TEP1: variants seen among roughly 807,000 people sequenced by gnomAD.
TEP1 encodes telomerase protein component 1.
In TEP1, 241 loss-of-function variants were observed where a neutral mutation model predicts 306.3. The observed-to-expected ratio is 0.79, with a 90% confidence interval of 0.71 to 0.88. The LOEUF (loss-of-function observed/expected upper bound fraction) is 0.88. Among genes scored for constraint, TEP1 ranks in the 40% least tolerant of loss-of-function variants. The pLI is 0.00. For missense variants in TEP1, 3,051 were observed against 3,276.1 expected, an observed-to-expected ratio of 0.93 and a Z score of 1.68; for synonymous variants, 1,289 against 1,305.5, an observed-to-expected ratio of 0.99 and a Z score of 0.27.
At position 20,368,242 on chromosome 14, in the gene TEP1, T is replaced by C. The variant is rs1220706070; in HGVS notation, c.*195A>G. 2 of 526,400 alleles carry C rather than the reference T, an allele frequency of 3.8e-6. No individual in the cohort carries two copies. The highest frequency in any genetic ancestry group is 6.5e-6 in the Non-Finnish European group (2 of 307,298). The allele number at this position is 526,400 out of a possible 1,614,324, so 32.6% of individuals were successfully genotyped here. On this transcript the variant is annotated 3_prime_UTR_variant, in exon 55 of 55. Transcript: ENST00000262715. ...GAAGAGACACACATTAGAATGTACA[T>C]ATACATACACATAGAATATCCTCCT...
At chr14:20,390,826 G>C in intron 14 of TEP1, 68 bp from the exon 15 acceptor site, 3 of 1,612,240 alleles carry the variant, frequency 1.9e-6, no homozygotes, top group Non-Finnish European at 2.5e-6. Flanking sequence ...CTTGCAGTCT[G>C]CTTGGGAAAT....
Position 20,408,396 on chromosome 14 carries a change from A to T in TEP1, c.44T>A (p.Leu15His). 3.1e-6 allele frequency: 5 copies of T among 1,614,032 alleles called. No individual in the cohort carries two copies. Among genetic ancestry groups the T allele is most frequent in the Non-Finnish European group, 3.4e-6 (4 of 1,180,030 alleles). The change falls in exon 2 of 55, where the codon CTC (leucine) becomes CAC (histidine). Residue 15 changes from leucine (L) to histidine (H), a missense_variant. By Grantham distance (99) the Leu-to-His change is moderately conservative. This residue lies in a region of TEP1 where 1,507 missense variants were observed against 1,550.5 expected (regional missense o/e 0.97). Coordinates refer to ENST00000262715, the MANE Select transcript of TEP1 (RefSeq NM_007110.5). Reference protein sequence around the residue: ...HGHVSAHPDILSLENRCLAML... With the variant: ...HGHVSAHPDIHSLENRCLAML... ...AGCCAGGCACCGGTTCTCCAAGGAG[A>T]GGATGTCTGGATGGGCAGACACATG... is the stretch of plus-strand genomic sequence containing the variant.
chr14:20,377,744 A>C lies in TEP1; in HGVS notation c.5731T>G (p.Trp1911Gly), dbSNP rs1425346595. The change falls in exon 40 of 55, where the codon TGG (tryptophan) becomes GGG (glycine). Residue 1911 changes from tryptophan to glycine, a missense_variant. Physicochemically the swap from Trp to Gly is radical, Grantham distance 184. Coordinates refer to ENST00000262715, the MANE Select transcript of TEP1 (RefSeq NM_007110.5). ...CGGGGCCGACCCAGAGACCCTGACC[A>C]CACCTGAACCTGGGAACCAAGAAAA... is the stretch of plus-strand genomic sequence containing the variant. ...TAGEDGKVQV[W>G]SGSLGRPRGH... The C allele has an allele frequency of 1.9e-6, 3 of 1,613,340 alleles. No homozygotes were observed. The African/African-American group carries it at 4.0e-5, about 22-fold the overall frequency.
In TEP1 at chr14:20,371,562, G is replaced by A; in HGVS notation, c.7147C>T (p.His2383Tyr). 1 of 1,607,066 alleles carries A rather than the reference G, an allele frequency of 6.2e-7. No individual in the cohort carries two copies. The highest frequency in any genetic ancestry group is 8.5e-7 in the Non-Finnish European group (1 of 1,178,602). The change falls in exon 50 of 55, where the codon CAC becomes TAC. Residue 2383 changes from histidine to tyrosine, a missense_variant. Physicochemically the swap from His to Tyr is moderately conservative, Grantham distance 83 (BLOSUM62 2). This residue lies in a region of TEP1 where 1,540 missense variants were observed against 1,705.9 expected (regional missense o/e 0.90). Coordinates refer to ENST00000262715, the MANE Select transcript of TEP1 (RefSeq NM_007110.5). ...LTSLDWAPDG[H>Y]FLILAKADLK... ...TCTGCTTTGGCCAAGATGAGAAAGT[G>A]ACCATCAGGAGCCCAATCCAGACTT...
At chr14:20,400,010 G>T (rs1305041578) in intron 9 of TEP1, among the ~76,000 whole-genome samples, 1 of 151,848 alleles carries the variant, frequency 6.6e-6, no homozygotes, top group Non-Finnish European at 1.5e-5. Context: ...TACAAAATTA[G>T]CTGGGCATGG....
Position 20,405,594 on chromosome 14 carries a change from T to G in TEP1, c.736-9A>C, listed in dbSNP as rs1377681636. On this transcript the variant is annotated splice_polypyrimidine_tract_variant and intron_variant, in intron 3 of 54. Coordinates refer to ENST00000262715, the MANE Select transcript of TEP1 (RefSeq NM_007110.5). ...AAGCTCAGTAGAGCCATCTGGGAAT[T>G]GAGAAAGAGGGAAGAAATGAGAAGA... 8 of 1,612,628 alleles carry G rather than the reference T, an allele frequency of 5.0e-6. No individual in the cohort carries two copies. The highest frequency in any genetic ancestry group is 2.2e-5 in the East Asian group (1 of 44,864).
At chr14:20,372,588 A>T (rs1884912972) in intron 49 of TEP1, 145 bp downstream of exon 49, 2 of 1,303,890 alleles carry the variant, frequency 1.5e-6, no homozygotes, top group Admixed American at 3.7e-5. Context: ...TTACATTGCC[A>T]TGGACAGAAG....
chr14:20,369,202 G>A, intron 53 of TEP1, 142 bp downstream of exon 53: 1 of 829,836 alleles, frequency 1.2e-6, no homozygotes. Flanking sequence ...TAGAGATGGG[G>A]TTTCACCGTG....
chr14:20,403,290 T>G, intron 7 of TEP1, 87 bp downstream of exon 7: 1 of 1,525,196 alleles, frequency 6.6e-7, no homozygotes, highest in East Asian at 2.3e-5. Context: ...AAGAAAGTAT[T>G]TTCAACCCTA....
intron 54 of TEP1, 45 bp downstream of exon 54, chr14:20,368,753 T>C (rs1884624853): frequency 7.0e-7 from 1 of 1,424,026 alleles, no homozygotes; most frequent in African/African-American, 1.7e-5. Flanking sequence ...GGGATAGGTG[T>C]GCAGGCGCAC....
rs1183125458 is a variant in TEP1, at chr14:20,401,122, G to C, written c.1411C>G (p.Leu471Val). ...LGYRYPSNLQ[L>V]FSRSRLPGPW... is the part of the protein sequence containing the mutation. ...CCAGGAAGGCGACTTCGAGAAAAGA[G>C]CTGTAGGTTGGAGGGGTATCTGAGG... is the stretch of plus-strand genomic sequence containing the variant. Residue 471 changes from leucine to valine, a missense_variant, in exon 9 of 55, where the codon CTC (leucine) becomes GTC (valine). This residue lies in a region of TEP1 where 1,507 missense variants were observed against 1,550.5 expected (regional missense o/e 0.97). Transcript: ENST00000262715. The C allele has an allele frequency of 6.2e-7, 1 of 1,614,202 alleles. No individual in the cohort carries two copies. The highest frequency in any genetic ancestry group is 1.7e-5 in the Admixed American group (1 of 60,022).
intron 12 of TEP1, 132 bp from the exon 13 acceptor site, chr14:20,391,899 GC>G: frequency 1.1e-6 from 1 of 910,732 alleles, no homozygotes; most frequent in Non-Finnish European, 1.7e-6. Flanking sequence ...CGCTTCCACA[GC>G]CCACTCCATT....
At chr14:20,389,497 G>T in intron 16 of TEP1, 113 bp downstream of exon 16, 1 of 1,529,248 alleles carries the variant, frequency 6.5e-7, no homozygotes, top group Non-Finnish European at 8.9e-7. Flanking sequence ...AGGTAAGAAG[G>T]CAGAGTTGGG....
chr14:20,386,051 C>G (rs375763090), intron 20 of TEP1, 24 bp downstream of exon 20: 1 of 1,572,434 alleles, frequency 6.4e-7, no homozygotes, highest in Non-Finnish European at 8.6e-7. Context: ...CTCCCCAGCC[C>G]TCCTCCAAAC....
Position 20,368,825 on chromosome 14 carries a change from C to G in TEP1, c.7734G>C (p.Lys2578Asn), listed in dbSNP as rs201526707. ...LVTASKDRDV[K>N]LWERPSMQLL... ...GCTGCATACTGGGTCTCTCCCATAG[C>G]TTAACATCTCTGTCCTTCGAAGCTG... The change falls in exon 54 of 55, where the codon AAG (lysine) becomes AAC (asparagine). Residue 2578 changes from lysine (K) to asparagine (N), a missense_variant. Transcript: ENST00000262715. 6.2e-7 allele frequency: 1 copy of G among 1,613,158 alleles called. No homozygotes were observed. Among genetic ancestry groups the G allele is most frequent in the East Asian group, 2.2e-5 (1 of 44,812 alleles).
chr14:20,381,574 T>C lies in TEP1; in HGVS notation c.4537A>G (p.Thr1513Ala). 6.2e-7 allele frequency: 1 copy of C among 1,613,846 alleles called. No homozygotes were observed. The highest frequency in any genetic ancestry group is 8.5e-7 in the Non-Finnish European group (1 of 1,180,030). Residue 1513 changes from threonine to alanine, a missense_variant, in exon 31 of 55, where the codon ACG becomes GCG. Thr to Ala is a moderately conservative substitution (Grantham distance 58, BLOSUM62 0). Coordinates refer to ENST00000262715, the MANE Select transcript of TEP1 (RefSeq NM_007110.5). This position sits in a 1 kb window ranked among gnomAD's most constrained non-coding sequence, Gnocchi z 4.0. The stretch of plus-strand genomic sequence containing the variant: ...TCACCTGCAATGAGGATGTGTGCCG[T>C]GTCCTCTAGCCCTGGCCTCTTCCCA... ...CYGKRPGLED[T>A]AHILIAAQLW...
Position 20,408,137 on chromosome 14 carries a change from G to C in TEP1, c.303C>G (p.His101Gln), listed in dbSNP as rs1289982737. ...GGTTCTCCAAGGAGAGGATGTCTGG[G>C]TGGGCAGAAACATGTCCATGTGGTT... ...MEKPHGHVSAHPDILSLENRC... is the reference protein window; with the variant it reads ...MEKPHGHVSAQPDILSLENRC... The change falls in exon 2 of 55, where the codon CAC becomes CAG. Residue 101 changes from histidine (H) to glutamine (Q), a missense_variant. By Grantham distance (24) the His-to-Gln change is conservative. This residue lies in a region of TEP1 where 1,507 missense variants were observed against 1,550.5 expected (regional missense o/e 0.97). Transcript: ENST00000262715. The C allele has an allele frequency of 6.2e-7, 1 of 1,608,452 alleles. No individual in the cohort carries two copies.
At chr14:20,370,209 T>C (rs565184291) in intron 51 of TEP1, among the ~76,000 whole-genome samples, 38 of 152,246 alleles carry the variant, frequency 2.5e-4, no homozygotes, top group South Asian at 6.2e-4. Flanking sequence ...CCACTACACC[T>C]GGGTAAGTGC....
rs776813215 is a variant in TEP1 at position 20,395,636 on chromosome 14, T to C, written c.1751-9A>G. On this transcript the variant is annotated splice_polypyrimidine_tract_variant and intron_variant, in intron 11 of 54. Coordinates refer to ENST00000262715, the MANE Select transcript of TEP1 (RefSeq NM_007110.5). The stretch of plus-strand genomic sequence containing the variant: ...CGAAGGAAAGGGCAATGCTGTATGA[T>C]GACAGGTAAATTTCCGAGTTAGGCA... 42 of 1,589,180 alleles carry C rather than the reference T, an allele frequency of 2.6e-5. No individual in the cohort carries two copies. Among genetic ancestry groups the C allele is most frequent in the African/African-American group, 5.4e-5 (4 of 74,406 alleles).
Sources: gnomAD v4.1 joint callset for allele counts (sites outside exome capture counted in the v4.1 genomes callset) on GRCh38, gnomAD v4.1.1 for gene constraint, gnomAD v4.1.1 regional missense constraint, Gnocchi (gnomAD v3.1) non-coding constraint, MANE v1.5 for transcripts, NCBI Gene and HGNC (gene_info 2026-07-23, HGNC 2026-07-21) for gene names.